ARL2: variants seen among roughly 807,000 people sequenced by gnomAD.
The protein encoded by ARL2 is ADP-ribosylation factor-like protein 2.
In ARL2, 11 loss-of-function variants were observed where a neutral mutation model predicts 22.0. The observed-to-expected ratio is 0.50, with a 90% CI of 0.31 to 0.83. The LOEUF (loss-of-function observed/expected upper bound fraction) is 0.83. Ranked by LOEUF, ARL2 falls within the 40% of genes least tolerant of loss-of-function variation. The pLI is 0.04. For missense variants in ARL2, 216 were observed against 243.2 expected, an observed-to-expected ratio of 0.89 and a Z score of 0.74; for synonymous variants, 111 against 100.8, an observed-to-expected ratio of 1.10 and a Z score of -0.61.
At chr11:65,015,977 G>A (rs1371729737) in intron 1 of ARL2, among the ~76,000 whole-genome samples, 3 of 152,008 alleles carry the variant, frequency 2.0e-5, no homozygotes, top group Admixed American at 6.6e-5. Flanking sequence ...AGGCCGGGGC[G>A]GATGGATCGC....
chr11:65,021,703 G>A lies in ARL2; in HGVS notation c.421-18G>A, dbSNP rs1431709909. On this transcript the variant is annotated intron_variant, in intron 4 of 4. Coordinates refer to ENST00000246747, the MANE Select transcript of ARL2 (RefSeq NM_001667.4). ...CTGCAGTCACTGGCCACCACCATCA[G>A]CACCTTTGTCCTCCCAGGTCCTGGA... The A allele has an allele frequency of 1.3e-6, 2 of 1,586,862 alleles. No individual in the cohort carries two copies. The highest frequency in any genetic ancestry group is 1.7e-6 in the Non-Finnish European group (2 of 1,166,468).
chr11:65,021,592 T>C, intron 4 of ARL2, 129 bp from the exon 5 acceptor site: 1 of 1,254,010 alleles, frequency 8.0e-7, no homozygotes, highest in Non-Finnish European at 1.1e-6. Flanking sequence ...CGGGGCTTCC[T>C]GGATGGGATG....
intron 1 of ARL2, among the ~76,000 whole-genome samples, chr11:65,017,526 C>T (rs148572804): frequency 1.1e-3 from 173 of 152,166 alleles, no homozygotes; most frequent in African/African-American, 3.6e-3. Flanking sequence ...GGAGAAAGAA[C>T]GGCAAGCTCA....
chr11:65,020,883 AAAAG>A lies in ARL2; in HGVS notation c.420+391_420+394del, dbSNP rs1366361376. On this transcript the variant is annotated intron_variant, in intron 4 of 4. Transcript: ENST00000246747. ...AGACTTCGTCTCAAAAAAAAAAAAA[AAAAG>A]AAAGAAGTAAAATAATAATAAGAAA... Among the ~76,000 whole-genome samples, 700 of 152,046 alleles carry A rather than the reference AAAAG, an allele frequency of 4.6e-3. 4 individuals are homozygous for A. The highest frequency in any genetic ancestry group is 0.015 in the African/African-American group (630 of 41,442).
At position 65,018,096 on chromosome 11, in the gene ARL2, A is replaced by G. The variant is rs1407224033; in HGVS notation, c.66-268A>G. Among the ~76,000 whole-genome samples the G allele has an allele frequency of 6.6e-6, 1 of 152,176 alleles. No individual in the cohort carries two copies. Among genetic ancestry groups the G allele is most frequent in the Non-Finnish European group, 1.5e-5 (1 of 68,034 alleles). ...ATTGACTGTCTTCCCGCTAGAGTGTAAGCTTCCTAAGGGCAGGGCTTTGTC... is the reference window on the plus strand; with the variant it reads ...ATTGACTGTCTTCCCGCTAGAGTGTGAGCTTCCTAAGGGCAGGGCTTTGTC... On this transcript the variant is annotated intron_variant, in intron 1 of 4. Transcript: ENST00000246747. This position sits in a 1 kb window ranked among gnomAD's most constrained non-coding sequence, Gnocchi z 4.2.
In ARL2 at chr11:65,018,704, C is replaced by T. The variant is rs778402408; in HGVS notation, c.310C>T (p.Arg104Trp). Reference sequence around the variant, plus strand: ...CCGCCAGCGCATGCAGGACTGCCAGCGGGAGCTCCAGAGCCTGCTGGTGGA... The same window carrying T: ...CCGCCAGCGCATGCAGGACTGCCAGTGGGAGCTCCAGAGCCTGCTGGTGGA... ...ADRQRMQDCQ[R>W]ELQSLLVEER... Residue 104 changes from arginine (R) to tryptophan (W), a missense_variant, in exon 3 of 5, where the codon CGG (arginine) becomes TGG (tryptophan). Physicochemically the swap from Arg to Trp is moderately radical, Grantham distance 101 (BLOSUM62 -3). Coordinates refer to ENST00000246747, the MANE Select transcript of ARL2 (RefSeq NM_001667.4). This position sits in a 1 kb window ranked among gnomAD's most constrained non-coding sequence, Gnocchi z 4.2. 6.8e-6 allele frequency: 11 copies of T among 1,614,172 alleles called. No individual in the cohort carries two copies. Among genetic ancestry groups the T allele is most frequent in the South Asian group, 1.1e-5 (1 of 91,078 alleles).
chr11:65,020,470 G>A lies in ARL2; in HGVS notation c.391G>A (p.Gly131Arg). 6.2e-7 allele frequency: 1 copy of A among 1,612,726 alleles called. No homozygotes were observed. Among genetic ancestry groups the A allele is most frequent in the Non-Finnish European group, 8.5e-7 (1 of 1,179,466 alleles). ...CTTTGCTAATAAGCAGGACCTGCCT[G>A]GAGCACTGTCCTCTAACGCCATCCG... ...LIFANKQDLP[G>R]ALSSNAIREV... is the part of the protein sequence containing the mutation. The change falls in exon 4 of 5, where the codon GGA becomes AGA. Residue 131 changes from glycine (G) to arginine (R), a missense_variant. By Grantham distance (125) the Gly-to-Arg change is moderately radical. Coordinates refer to ENST00000246747, the MANE Select transcript of ARL2 (RefSeq NM_001667.4).
chr11:65,014,262 C>G lies in ARL2; in HGVS notation c.55C>G (p.Leu19Val), dbSNP rs374015070. ...KMKQKERELR[L>V]LMLGLDNAGK... ...GAAGCAGAAAGAGCGGGAGCTGCGA[C>G]TGCTCATGCTGTATCCTACCGGACG... is the stretch of plus-strand genomic sequence containing the variant. The change falls in exon 1 of 5, where the codon CTG (leucine) becomes GTG (valine). Residue 19 changes from leucine to valine, a missense_variant. Physicochemically the swap from Leu to Val is conservative, Grantham distance 32. Transcript: ENST00000246747. 1 of 1,570,152 alleles carries G rather than the reference C, an allele frequency of 6.4e-7. No homozygotes were observed. Among genetic ancestry groups the G allele is most frequent in the Non-Finnish European group, 8.6e-7 (1 of 1,162,200 alleles).
intron 1 of ARL2, among the ~76,000 whole-genome samples, chr11:65,017,153 A>G (rs1946266634): frequency 2.0e-5 from 3 of 152,050 alleles, no homozygotes; most frequent in Admixed American, 6.6e-5. Flanking sequence ...AAAGATATAA[A>G]TGAATAACTA....
At chr11:65,014,669 G>T (rs1332746159) in intron 1 of ARL2, among the ~76,000 whole-genome samples, 1 of 152,248 alleles carries the variant, frequency 6.6e-6, no homozygotes, top group Non-Finnish European at 1.5e-5. Flanking sequence ...CCGAATCCCG[G>T]GGGCGTGCGG....
chr11:65,015,582 G>A (rs2136901016), intron 1 of ARL2, among the ~76,000 whole-genome samples: 1 of 152,212 alleles, frequency 6.6e-6, no homozygotes, highest in East Asian at 1.9e-4. Context: ...TGTGGCGGGG[G>A]GGTTGCCCGC....
rs535439414 is a variant in ARL2, at chr11:65,015,599, A to G, written c.65+1327A>G. On this transcript the variant is annotated intron_variant, in intron 1 of 4. Coordinates refer to ENST00000246747, the MANE Select transcript of ARL2 (RefSeq NM_001667.4). ...TGGCGGGGGGGTTGCCCGCGGGTAGAAAGATGATAACACAGGAAGTAAGTA... is the reference window on the plus strand; with the variant it reads ...TGGCGGGGGGGTTGCCCGCGGGTAGGAAGATGATAACACAGGAAGTAAGTA... Among the ~76,000 whole-genome samples the G allele has an allele frequency of 1.2e-4, 18 of 152,240 alleles. No individual in the cohort carries two copies. The South Asian group carries it at 3.3e-3, about 28-fold the overall frequency.
intron 1 of ARL2, among the ~76,000 whole-genome samples, chr11:65,015,237 C>G (rs1056912173): frequency 6.6e-6 from 1 of 152,198 alleles, no homozygotes; most frequent in Non-Finnish European, 1.5e-5. Context: ...CCTCAGCCTC[C>G]CAAGTAGCTG....
In ARL2 at chr11:65,021,224, G is replaced by A. The variant is rs150753376; in HGVS notation, c.421-497G>A. ...GCCACTAAATAGACAGGAAGCCTGT[G>A]TCTGACCCCAGAGCCCACATTTTAA... On this transcript the variant is annotated intron_variant, in intron 4 of 4. Transcript: ENST00000246747. Among the ~76,000 whole-genome samples, 314 of 152,354 alleles carry A rather than the reference G, an allele frequency of 2.1e-3. 5 individuals are homozygous for A. The highest frequency in any genetic ancestry group is 7.0e-3 in the African/African-American group (291 of 41,594).
chr11:65,016,545 A>G (rs1946259068), intron 1 of ARL2, among the ~76,000 whole-genome samples: 1 of 152,122 alleles, frequency 6.6e-6, no homozygotes, highest in South Asian at 2.1e-4. Flanking sequence ...TAGTGAGGTC[A>G]TGGAAGTTTC....
intron 1 of ARL2, among the ~76,000 whole-genome samples, chr11:65,016,591 C>A (rs1268676363): frequency 6.6e-6 from 1 of 151,884 alleles, no homozygotes; most frequent in African/African-American, 2.4e-5. Context: ...GAACCATTTG[C>A]TGAGATGGAG....
At chr11:65,014,297 C>T in intron 1 of ARL2, 25 bp downstream of exon 1, 1 of 1,528,920 alleles carries the variant, frequency 6.5e-7, no homozygotes. Flanking sequence ...GCCGGAACCG[C>T]GAGGGTGGCG....
intron 1 of ARL2, among the ~76,000 whole-genome samples, 153 bp downstream of exon 1, chr11:65,014,425 C>A (rs1424848608): frequency 2.0e-5 from 3 of 152,160 alleles, no homozygotes; most frequent in Non-Finnish European, 4.4e-5. Flanking sequence ...CCCGTCGGGC[C>A]GGGAGGAGCC....
Position 65,020,826 on chromosome 11 carries a change from G to A in ARL2, c.420+327G>A, listed in dbSNP as rs548382510. On this transcript the variant is annotated intron_variant, in intron 4 of 4. Transcript: ENST00000246747. ...GGAGGTTGCAGTGAGCCAAGATTGC[G>A]CCATTGTACTCTAGCCTGTGGGAAA... 2.0e-4 allele frequency among the ~76,000 whole-genome samples: 29 copies of A among 148,550 alleles called. No homozygotes were observed. In the East Asian group the frequency reaches 5.5e-3, roughly 28 times the overall value.
Sources: allele counts gnomAD v4.1 joint callset (sites outside exome capture counted in the v4.1 genomes callset), GRCh38; gene constraint gnomAD v4.1.1; non-coding constraint Gnocchi (gnomAD v3.1); transcripts MANE v1.5; gene names NCBI Gene and HGNC (gene_info 2026-07-23, HGNC 2026-07-21).